The following ZRANB3 variants were observed in gnomAD, a reference collection of about 807,000 sequenced individuals.
ZRANB3 encodes the protein DNA annealing helicase and endonuclease ZRANB3.
ZRANB3 carries 125 observed loss-of-function variants against 133.8 expected under a neutral mutation model. The observed-to-expected ratio is 0.93, with a 90% CI of 0.81 to 1.08. The LOEUF (loss-of-function observed/expected upper bound fraction) is 1.08. ZRANB3 is among the 50% of genes least tolerant of loss of function. ZRANB3 has a pLI of 0.00. For missense variants in ZRANB3, 1,229 were observed against 1,275.5 expected, an observed-to-expected ratio of 0.96 and a Z score of 0.56; for synonymous variants, 387 against 432.7, an observed-to-expected ratio of 0.89 and a Z score of 1.31.
intron 3 of ZRANB3, among the ~76,000 whole-genome samples, chr2:135,372,915 TA>T (rs953131229): frequency 4.0e-4 from 60 of 150,410 alleles, no homozygotes; most frequent in African/African-American, 1.4e-3. Context: ...ACCCTGTCTC[TA>T]AAAAAAAATT....
intron 2 of ZRANB3, among the ~76,000 whole-genome samples, chr2:135,411,222 AGT>A (rs1688288255): frequency 6.6e-6 from 1 of 152,110 alleles, no homozygotes; most frequent in Non-Finnish European, 1.5e-5. Flanking sequence ...TGGGTGACAG[AGT>A]GAGACCCTGT....
intron 12 of ZRANB3, among the ~76,000 whole-genome samples, chr2:135,245,427 G>A (rs1695746410): frequency 2.0e-5 from 3 of 152,114 alleles, no homozygotes; most frequent in African/African-American, 2.4e-5. Flanking sequence ...GAAACAAAGA[G>A]GGTCTCCTGG....
Position 135,332,653 on chromosome 2 carries a change from C to T in ZRANB3, c.677+12897G>A, listed in dbSNP as rs375238613. Reference sequence around the variant, plus strand: ...CCTCTAAAACCTACTCCAACTATCCCTATGGTTACAACCAGGTCCTAAGAA... The same window carrying T: ...CCTCTAAAACCTACTCCAACTATCCTTATGGTTACAACCAGGTCCTAAGAA... On this transcript the variant is annotated intron_variant, in intron 6 of 20. Transcript: ENST00000264159. 9.9e-5 allele frequency among the ~76,000 whole-genome samples: 15 copies of T among 152,246 alleles called. 1 individual carries two copies. The East Asian group carries it at 1.7e-3, about 18-fold the overall frequency.
At chr2:135,289,754 T>C (rs1316158210) in intron 8 of ZRANB3, among the ~76,000 whole-genome samples, 1 of 152,032 alleles carries the variant, frequency 6.6e-6, no homozygotes, top group East Asian at 1.9e-4. Context: ...AATACAAAAA[T>C]TAGCTGGGAG....
intron 1 of ZRANB3, among the ~76,000 whole-genome samples, chr2:135,530,077 A>G (rs1473313174): frequency 6.6e-6 from 1 of 151,324 alleles, no homozygotes; most frequent in African/African-American, 2.4e-5. Context: ...AATACAAAAA[A>G]TTAGCTGGGC....
intron 2 of ZRANB3, among the ~76,000 whole-genome samples, chr2:135,472,863 A>G (rs1392685847): frequency 6.6e-6 from 1 of 152,218 alleles, no homozygotes; most frequent in Admixed American, 6.5e-5. Flanking sequence ...ATTTACAGGT[A>G]AAGGAGAGCT....
chr2:135,471,610 G>A (rs544354320), intron 2 of ZRANB3, among the ~76,000 whole-genome samples: 3 of 152,186 alleles, frequency 2.0e-5, no homozygotes, highest in African/African-American at 4.8e-5. Context: ...TGTAAAGAAA[G>A]GTAATTAGGC....
intron 3 of ZRANB3, among the ~76,000 whole-genome samples, chr2:135,369,760 T>C (rs1437437221): frequency 1.3e-5 from 2 of 152,220 alleles, no homozygotes; most frequent in Non-Finnish European, 2.9e-5. Context: ...TTGCAAATCA[T>C]TGAGGGTTGC....
chr2:135,307,920 G>A (rs928901751), intron 8 of ZRANB3, among the ~76,000 whole-genome samples: 19 of 152,192 alleles, frequency 1.2e-4, no homozygotes, highest in Non-Finnish European at 2.5e-4. Context: ...GTTTTGCTAA[G>A]TGTTCCTGCC....
intron 8 of ZRANB3, among the ~76,000 whole-genome samples, chr2:135,277,121 A>G (rs1412523539): frequency 6.6e-6 from 1 of 152,208 alleles, no homozygotes; most frequent in Non-Finnish European, 1.5e-5. Flanking sequence ...TACAAAATAA[A>G]TGCTGAGATC....
At chr2:135,493,113 AT>A (rs1692471142) in intron 2 of ZRANB3, among the ~76,000 whole-genome samples, 1 of 674 alleles carries the variant, frequency 1.5e-3, no homozygotes, top group African/African-American at 4.7e-3. Flanking sequence ...ATATATATAT[AT>A]ATATATATAT....
At chr2:135,479,636 A>G (rs1691670832) in intron 2 of ZRANB3, among the ~76,000 whole-genome samples, 1 of 152,054 alleles carries the variant, frequency 6.6e-6, no homozygotes, top group Admixed American at 6.5e-5. Flanking sequence ...ACTGCACTCC[A>G]GCCTGGGTGA....
rs374358046 is a variant in ZRANB3, at chr2:135,224,444, C to T, written c.2232G>A (p.Arg744=). The T allele has an allele frequency of 6.2e-7, 1 of 1,612,176 alleles. No homozygotes were observed. The highest frequency in any genetic ancestry group is 1.3e-5 in the African/African-American group (1 of 74,886). Residue 744 remains arginine, a synonymous_variant, in exon 15 of 21, where the codon CGG becomes CGA. Coordinates refer to ENST00000264159, the MANE Select transcript of ZRANB3 (RefSeq NM_032143.4). ...CGCTTACCTTAGTATAGATGTGAATCCGGTCAGTATTCCTACTTGCACAGA... is the reference window on the plus strand; with the variant it reads ...CGCTTACCTTAGTATAGATGTGAATTCGGTCAGTATTCCTACTTGCACAGA... The part of the protein sequence containing the change: ...LMFCASRNTD[R]IHIYTKDGKQ...
intron 8 of ZRANB3, among the ~76,000 whole-genome samples, chr2:135,299,803 C>T (rs1216664987): frequency 2.0e-5 from 3 of 152,130 alleles, no homozygotes; most frequent in Admixed American, 1.3e-4. Context: ...AATTCTGTAG[C>T]ATAGCGTTGT....
intron 17 of ZRANB3, among the ~76,000 whole-genome samples, chr2:135,210,864 A>G (rs1694068797): frequency 6.6e-6 from 1 of 152,122 alleles, no homozygotes; most frequent in Admixed American, 6.5e-5. Context: ...CCCTGTCTCT[A>G]CTAAAAGTAC....
chr2:135,402,319 G>C (rs924210051), intron 2 of ZRANB3, among the ~76,000 whole-genome samples: 1 of 147,566 alleles, frequency 6.8e-6, no homozygotes, highest in African/African-American at 2.5e-5. Flanking sequence ...TTTTGAGACG[G>C]AGTCTCGCTC....
intron 2 of ZRANB3, among the ~76,000 whole-genome samples, chr2:135,459,748 T>C (rs1370065412): frequency 2.0e-5 from 3 of 152,158 alleles, no homozygotes; most frequent in East Asian, 3.8e-4. Flanking sequence ...GAGGGATCTA[T>C]TCAGAATGAC....
intron 2 of ZRANB3, among the ~76,000 whole-genome samples, chr2:135,425,127 G>C (rs1490247205): frequency 6.6e-6 from 1 of 152,122 alleles, no homozygotes; most frequent in Non-Finnish European, 1.5e-5. Flanking sequence ...AAATGTTAGA[G>C]TGAAATAAAA....
intron 1 of ZRANB3, among the ~76,000 whole-genome samples, chr2:135,527,819 A>G (rs1391866842): frequency 6.6e-6 from 1 of 152,214 alleles, no homozygotes; most frequent in Non-Finnish European, 1.5e-5. Context: ...GTAACTAAAG[A>G]CAGAGATATG....
Sources: allele counts gnomAD v4.1 joint callset (sites outside exome capture counted in the v4.1 genomes callset), GRCh38; gene constraint gnomAD v4.1.1; transcripts MANE v1.5; gene names NCBI Gene and HGNC (gene_info 2026-07-23, HGNC 2026-07-21).